The following MICU1 variants were observed in gnomAD, a reference collection of about 807,000 sequenced individuals.
MICU1 encodes mitochondrial calcium uptake 1.
Under a neutral mutation model 56.8 loss-of-function variants are expected in MICU1, and 45 were observed. The observed-to-expected ratio is 0.79, with a 90% confidence interval of 0.62 to 1.02. MICU1 has a LOEUF of 1.02. Among genes scored for constraint, MICU1 ranks in the 50% least tolerant of loss-of-function variants. The probability of loss-of-function intolerance (pLI) is 0.00; values close to 1 mark genes in which losing one functional copy is unlikely to be tolerated. For missense variants in MICU1, 504 were observed against 587.1 expected (o/e 0.86, Z 1.46); for synonymous variants, 186 against 195.1 (o/e 0.95, Z 0.39).
chr10:72,497,080 G>C (rs368116400), intron 6 of MICU1, among the ~76,000 whole-genome samples: 1 of 149,516 alleles, frequency 6.7e-6, no homozygotes, highest in South Asian at 2.1e-4. Context: ...TTTTTTTTGA[G>C]ATGGAGTCTC....
At chr10:72,473,920 T>C (rs1045850879) in intron 8 of MICU1, among the ~76,000 whole-genome samples, 1 of 152,050 alleles carries the variant, frequency 6.6e-6, no homozygotes, top group Admixed American at 6.6e-5. Flanking sequence ...TAGTAGTTAA[T>C]GTTTTGAAAT....
intron 9 of MICU1, among the ~76,000 whole-genome samples, chr10:72,409,398 TA>T (rs1236978417): frequency 2.0e-5 from 3 of 152,170 alleles, no homozygotes; most frequent in Non-Finnish European, 2.9e-5. Flanking sequence ...AACTGAAAGC[TA>T]AAAGACTGTA....
chr10:72,490,424 G>C (rs548004343), intron 6 of MICU1, among the ~76,000 whole-genome samples: 1 of 152,174 alleles, frequency 6.6e-6, no homozygotes, highest in South Asian at 2.1e-4. Context: ...ATGTATCTTT[G>C]GTACCTCAGC....
intron 1 of MICU1, among the ~76,000 whole-genome samples, chr10:72,620,811 A>G (rs1456151759): frequency 6.6e-6 from 1 of 152,218 alleles, no homozygotes. Context: ...TTTAATGTCA[A>G]TCACTTCTCA....
intron 8 of MICU1, among the ~76,000 whole-genome samples, chr10:72,433,023 C>T (rs1298661615): frequency 3.9e-5 from 6 of 152,064 alleles, no homozygotes; most frequent in East Asian, 1.9e-4. Context: ...CTGCAACCTC[C>T]GCCTCCCAGG....
At chr10:72,439,020 A>T (rs1370223203) in intron 8 of MICU1, among the ~76,000 whole-genome samples, 1 of 152,230 alleles carries the variant, frequency 6.6e-6, no homozygotes, top group Admixed American at 6.5e-5. Context: ...AATCAATAGA[A>T]AAAGAGGGAA....
At chr10:72,569,237 A>ATATATATATATATATTTTTTT in intron 1 of MICU1, among the ~76,000 whole-genome samples, 1 of 34,392 alleles carries the variant, frequency 2.9e-5, no homozygotes, top group Admixed American at 6.0e-4. Flanking sequence ...ATATATATAT[A>ATATATATATATATATTTTTTT]TTTTTTTTTT....
intron 4 of MICU1, among the ~76,000 whole-genome samples, chr10:72,545,937 T>C (rs1839884062): frequency 6.6e-6 from 1 of 152,222 alleles, no homozygotes; most frequent in African/African-American, 2.4e-5. Flanking sequence ...CAGTCTGTTT[T>C]GTCAATCTTA....
At chr10:72,459,095 C>A (rs562545942) in intron 8 of MICU1, among the ~76,000 whole-genome samples, 4 of 152,068 alleles carry the variant, frequency 2.6e-5, no homozygotes, top group Admixed American at 2.6e-4. Context: ...CTTTGGGAAG[C>A]CAAGGCAGGT....
At chr10:72,439,994 A>G (rs1313148186) in intron 8 of MICU1, among the ~76,000 whole-genome samples, 2 of 152,170 alleles carry the variant, frequency 1.3e-5, no homozygotes, top group Non-Finnish European at 1.5e-5. Flanking sequence ...TATAGATTCA[A>G]TGCCATCCCC....
chr10:72,416,303 TAAC>T (rs563175819), intron 9 of MICU1, among the ~76,000 whole-genome samples: 4 of 152,136 alleles, frequency 2.6e-5, no homozygotes, highest in Non-Finnish European at 5.9e-5. Flanking sequence ...AGCTAATTAG[TAAC>T]AACAACAACA....
chr10:72,561,210 A>G lies in MICU1; in HGVS notation c.330+1685T>C, dbSNP rs2132464124. 1.3e-5 allele frequency among the ~76,000 whole-genome samples: 2 copies of G among 152,360 alleles called. 1 individual carries two copies. ...CACACAGATAGCTTTAATTTTTTCT[A>G]TGAAGTATGAGATATGCTCATCTGC... On this transcript the variant is annotated intron_variant, in intron 3 of 11. Transcript: ENST00000361114.
At chr10:72,550,721 C>T (rs747919417) in intron 4 of MICU1, among the ~76,000 whole-genome samples, 4 of 152,164 alleles carry the variant, frequency 2.6e-5, no homozygotes, top group Non-Finnish European at 5.9e-5. Context: ...CTGAGCACTG[C>T]TTTTGTGGTA....
chr10:72,552,129 G>A (rs1172685087), intron 3 of MICU1, among the ~76,000 whole-genome samples: 1 of 152,182 alleles, frequency 6.6e-6, no homozygotes, highest in East Asian at 1.9e-4. Context: ...TAACAGGTCT[G>A]AAGCAACAGA....
At chr10:72,598,159 T>C (rs3009544) in intron 1 of MICU1, among the ~76,000 whole-genome samples, 70,236 of 152,032 alleles carry the variant, frequency 0.46, 20,241 homozygotes, top group Non-Finnish European at 0.67. Flanking sequence ...CATCCCTATT[T>C]TGTGTAGAGA....
intron 10 of MICU1, among the ~76,000 whole-genome samples, chr10:72,376,165 G>C (rs1453957790): frequency 1.3e-5 from 2 of 151,964 alleles, no homozygotes; most frequent in African/African-American, 4.8e-5. Flanking sequence ...TGTAATCCCA[G>C]CTACTTGGGA....
At chr10:72,411,331 CTTTT>C (rs1170548958) in intron 9 of MICU1, among the ~76,000 whole-genome samples, 8 of 142,982 alleles carry the variant, frequency 5.6e-5, no homozygotes, top group Middle Eastern at 3.6e-3. Flanking sequence ...TTTTACTTTT[CTTTT>C]TTTTTTTTTT....
intron 6 of MICU1, among the ~76,000 whole-genome samples, chr10:72,499,939 T>C (rs1032852552): frequency 1.3e-5 from 2 of 152,144 alleles, no homozygotes; most frequent in Admixed American, 6.6e-5. Context: ...TTCACTTGAA[T>C]GCTATTGTAA....
Position 72,569,237 on chromosome 10 carries a change from A to ATATATATTTTTTTTT in MICU1, c.-1-2444_-1-2443insAAAAAAAAATATATA. Reference sequence around the variant, plus strand: ...TATATATATATATATATATATATATATTTTTTTTTTTTTTTGAGATGGCGT... The same window carrying ATATATATTTTTTTTT: ...TATATATATATATATATATATATATATATATATTTTTTTTTTTTTTTTTTTTTTTTGAGATGGCGT... On this transcript the variant is annotated intron_variant, in intron 1 of 11. Transcript: ENST00000361114. Among the ~76,000 whole-genome samples, 13 of 34,376 alleles carry ATATATATTTTTTTTT rather than the reference A, an allele frequency of 3.8e-4. 1 individual carries two copies. Among genetic ancestry groups the ATATATATTTTTTTTT allele is most frequent in the Non-Finnish European group, 6.1e-4 (12 of 19,574 alleles). The allele number at this position is 34,376 out of a possible 152,430, so 22.6% of individuals were successfully genotyped here.
Sources: allele counts gnomAD v4.1 joint callset (sites outside exome capture counted in the v4.1 genomes callset), GRCh38; gene constraint gnomAD v4.1.1; transcripts MANE v1.5; gene names NCBI Gene and HGNC (gene_info 2026-07-23, HGNC 2026-07-21).